Variants in PCDHA5 observed in about 807,000 individuals in gnomAD.
The protein encoded by PCDHA5 is protocadherin alpha-5.
Under a neutral mutation model 61.6 loss-of-function variants are expected in PCDHA5, and 43 were observed. That is an observed-to-expected ratio of 0.70 (90% CI 0.55 to 0.90). The LOEUF is 0.90. Ranked by LOEUF, PCDHA5 falls within the 40% of genes least tolerant of loss-of-function variation. The probability of loss-of-function intolerance (pLI) is 0.00; values close to 1 mark genes in which losing one functional copy is unlikely to be tolerated. For synonymous variants in PCDHA5, 627 were observed against 543.9 expected, an observed-to-expected ratio of 1.15 and a Z score of -2.13; for missense variants, 1,298 against 1,222.7, an observed-to-expected ratio of 1.06 and a Z score of -0.92.
At chr5:140,926,143 C>A (rs2082940711) in intron 1 of PCDHA5, among the ~76,000 whole-genome samples, 1 of 152,068 alleles carries the variant, frequency 6.6e-6, no homozygotes, top group African/African-American at 2.4e-5. Context: ...CAGGATCCAG[C>A]GCGGAAAGCT....
intron 1 of PCDHA5, among the ~76,000 whole-genome samples, chr5:140,974,838 A>G (rs1554236389): frequency 6.6e-6 from 1 of 152,134 alleles, no homozygotes; most frequent in Admixed American, 6.5e-5. Context: ...ATTATTTTAA[A>G]TGTTATATTC....
At chr5:140,875,254 T>A in intron 1 of PCDHA5, 1 of 1,054,680 alleles carries the variant, frequency 9.5e-7, no homozygotes, top group Non-Finnish European at 1.3e-6. Context: ...ATCAGTCACA[T>A]GATGTCGCTC....
At chr5:140,997,910 A>T (rs2097790102) in intron 3 of PCDHA5, among the ~76,000 whole-genome samples, 2 of 152,234 alleles carry the variant, frequency 1.3e-5, no homozygotes. Flanking sequence ...AAGTAGAATT[A>T]CAGAATCATA....
chr5:140,884,304 C>T (rs1562802468), intron 1 of PCDHA5: 1 of 1,613,710 alleles, frequency 6.2e-7, no homozygotes, highest in East Asian at 2.2e-5. Context: ...CCACAGGCTT[C>T]GTCGAGGGCG....
intron 1 of PCDHA5, chr5:140,828,952 C>T (rs1202172240): frequency 4.5e-5 from 72 of 1,613,992 alleles, no homozygotes; most frequent in Admixed American, 1.5e-4. Context: ...TTGTTGCAGC[C>T]ATGGTTATTG....
rs782395968 is a variant in PCDHA5, at chr5:141,011,916, A to G, written c.*1979A>G. ...TATTATCTATTTAGGCATTAATATA[A>G]AAGAGGTAGGAGTCTGTTATTTAAA... On this transcript the variant is annotated 3_prime_UTR_variant, in exon 4 of 4. Coordinates refer to ENST00000529859, the MANE Select transcript of PCDHA5 (RefSeq NM_018908.3). 4 of 153,828 alleles carry G rather than the reference A, an allele frequency of 2.6e-5. No individual in the cohort carries two copies. The highest frequency in any genetic ancestry group is 4.4e-5 in the Non-Finnish European group (3 of 68,030). 9.5% of individuals were successfully genotyped at this position (153,828 alleles called of 1,614,324 possible). A position where few individuals can be genotyped will look rare whatever the true frequency, so the allele number is the denominator to read the frequency against.
intron 1 of PCDHA5, among the ~76,000 whole-genome samples, chr5:140,886,194 AAT>A (rs775586198): frequency 9.9e-5 from 15 of 152,172 alleles, no homozygotes; most frequent in Non-Finnish European, 1.9e-4. Context: ...GGCAAGCAGT[AAT>A]CTGTTCTCCA....
chr5:140,987,040 C>G (rs916995346), intron 3 of PCDHA5, among the ~76,000 whole-genome samples: 1 of 151,880 alleles, frequency 6.6e-6, no homozygotes, highest in Non-Finnish European at 1.5e-5. Flanking sequence ...ATGGCGAAAC[C>G]CCATCTCTAC....
chr5:140,959,532 T>C (rs919329459), intron 1 of PCDHA5, among the ~76,000 whole-genome samples: 1 of 152,198 alleles, frequency 6.6e-6, no homozygotes, highest in Admixed American at 6.5e-5. Context: ...GACCATTAAT[T>C]CAGAGATGCT....
At chr5:140,882,267 C>A in intron 1 of PCDHA5, 1 of 1,610,288 alleles carries the variant, frequency 6.2e-7, no homozygotes, top group Non-Finnish European at 8.5e-7. Context: ...TTGGAGTGTA[C>A]CATGCTGTCT....
At chr5:140,933,003 G>A (rs1466484630) in intron 1 of PCDHA5, among the ~76,000 whole-genome samples, 5 of 151,902 alleles carry the variant, frequency 3.3e-5, no homozygotes, top group East Asian at 1.9e-4. Flanking sequence ...TATGAATATC[G>A]GAAATATTAA....
intron 1 of PCDHA5, chr5:140,829,933 G>A (rs1554132408): frequency 3.7e-6 from 6 of 1,613,652 alleles, no homozygotes; most frequent in East Asian, 2.2e-5. Context: ...TGCAGCCCCC[G>A]GCAAGCAGCG....
At chr5:140,924,901 A>AAAAAT (rs10667761) in intron 1 of PCDHA5, among the ~76,000 whole-genome samples, 10,380 of 79,870 alleles carry the variant, frequency 0.13, 426 homozygotes, top group East Asian at 0.37. Context: ...TCTCAAAAAA[A>AAAAAT]AAAATAAAAT....
intron 1 of PCDHA5, chr5:140,855,785 A>G (rs2043622079): frequency 4.7e-6 from 2 of 426,874 alleles, no homozygotes; most frequent in Non-Finnish European, 4.2e-6. Context: ...ACGTAAAAAA[A>G]GAATTAACAT....
intron 1 of PCDHA5, chr5:140,836,768 A>G: frequency 9.0e-6 from 14 of 1,555,112 alleles, no homozygotes; most frequent in Non-Finnish European, 1.2e-5. Flanking sequence ...GTTTCCAACA[A>G]TTTTAAAACA....
At chr5:140,893,880 G>T (rs1426434148) in intron 1 of PCDHA5, among the ~76,000 whole-genome samples, 1 of 152,090 alleles carries the variant, frequency 6.6e-6, no homozygotes, top group African/African-American at 2.4e-5. Flanking sequence ...ATCCAAAGTG[G>T]CCAGAAAGTT....
intron 1 of PCDHA5, chr5:140,867,441 G>A (rs1188505395): frequency 1.3e-5 from 2 of 152,032 alleles, no homozygotes; most frequent in African/African-American, 4.8e-5. Flanking sequence ...GCATTTACCT[G>A]AATTAGAGTT....
intron 1 of PCDHA5, among the ~76,000 whole-genome samples, chr5:140,887,841 T>C (rs1024646010): frequency 2.6e-5 from 4 of 152,224 alleles, no homozygotes; most frequent in African/African-American, 7.2e-5. Context: ...ATATCTTTTA[T>C]TGACATATTT....
In PCDHA5 at chr5:140,999,156, C is replaced by T. The variant is rs533302480; in HGVS notation, c.2501-10471C>T. On this transcript the variant is annotated intron_variant, in intron 3 of 3. Transcript: ENST00000529859. ...GTCACAGCCGGAAGTCTTCAGTCCCCTAGAAGGAAAAGAGCCTGATGGGGA... is the reference window on the plus strand; with the variant it reads ...GTCACAGCCGGAAGTCTTCAGTCCCTTAGAAGGAAAAGAGCCTGATGGGGA... 4.6e-5 allele frequency among the ~76,000 whole-genome samples: 7 copies of T among 152,280 alleles called. No individual in the cohort carries two copies. In the East Asian group the frequency reaches 1.4e-3, roughly 29 times the overall value.
Sources: allele counts gnomAD v4.1 joint callset (sites outside exome capture counted in the v4.1 genomes callset), GRCh38; gene constraint gnomAD v4.1.1; transcripts MANE v1.5; gene names NCBI Gene and HGNC (gene_info 2026-07-23, HGNC 2026-07-21).